Variants in CHD8 observed in about 807,000 individuals in gnomAD.
CHD8 encodes the protein chromodomain helicase DNA binding protein 8, also known as ATP-dependent chromatin remodeler CHD8.
Under a neutral mutation model 279.2 loss-of-function variants are expected in CHD8, and 31 were observed. The ratio of observed to expected loss-of-function variants is 0.11; its 90% confidence interval spans 0.08 to 0.15. CHD8 has a LOEUF of 0.15. CHD8 is among the 10% of genes least tolerant of loss of function. The probability of loss-of-function intolerance (pLI) is 1.00; values close to 1 mark genes in which losing one functional copy is unlikely to be tolerated. For synonymous variants in CHD8, 1,081 were observed against 1,139.6 expected (o/e 0.95, Z 1.04); for missense variants, 2,146 against 3,230.5 (o/e 0.66, Z 8.14).
intron 9 of CHD8, 101 bp downstream of exon 9, chr14:21,414,200 G>T: frequency 1.4e-6 from 1 of 695,530 alleles, no homozygotes. Context: ...CCCATATATA[G>T]AAACCAATTA....
rs530306279 is a variant in CHD8 at position 21,405,983 on chromosome 14, G to A, written c.2908-119C>T. The A allele has an allele frequency of 1.1e-4, 82 of 735,614 alleles. No homozygotes were observed. The South Asian group carries it at 1.5e-3, about 13-fold the overall frequency. The allele number at this position is 735,614 out of a possible 1,614,324, so 45.6% of individuals were successfully genotyped here. The stretch of plus-strand genomic sequence containing the variant: ...TTAATTTCTTTATCTATAAAATGAT[G>A]AGAATGGACCAGTGATCTGGTCCAT... On this transcript the variant is annotated intron_variant, in intron 14 of 37. Transcript: ENST00000646647. This position sits in a 1 kb window ranked among gnomAD's most constrained non-coding sequence, Gnocchi z 4.2.
chr14:21,455,247 T>G (rs1457489527), intron 1 of CHD8: 2 of 152,212 alleles, frequency 1.3e-5, no homozygotes, highest in African/African-American at 2.4e-5. Flanking sequence ...GTGAAGACCC[T>G]AACCGCTTCA....
intron 1 of CHD8, among the ~76,000 whole-genome samples, chr14:21,444,647 T>C (rs1468265971): frequency 6.6e-6 from 1 of 152,160 alleles, no homozygotes; most frequent in African/African-American, 2.4e-5. Context: ...TTTTTTCCCA[T>C]GGCTTACAGG....
In CHD8 at chr14:21,430,957, A is replaced by C. The variant is rs1362977828; in HGVS notation, c.687T>G (p.Pro229=). Residue 229 remains proline, a synonymous_variant, in exon 2 of 38, where the codon CCT becomes CCG. Coordinates refer to ENST00000646647, the MANE Select transcript of CHD8 (RefSeq NM_001170629.2). ...TGCGCTGAACAGCAGCCTGGTTCCC[A>C]GGGACCTTGGCGGCCAACACTGTAT... ...SGNTVLAAKV[P]GNQAAVQRIV... 3.8e-6 allele frequency: 6 copies of C among 1,599,464 alleles called. No homozygotes were observed. In the Admixed American group the frequency reaches 1.0e-4, roughly 27 times the overall value.
chr14:21,409,442 C>T (rs1888386693), intron 11 of CHD8, among the ~76,000 whole-genome samples: 1 of 151,992 alleles, frequency 6.6e-6, no homozygotes, highest in African/African-American at 2.4e-5. Context: ...TACTGAGAAC[C>T]AAATTTAAAT....
In CHD8 at chr14:21,400,145, G is replaced by T; in HGVS notation, c.4727+6C>A. 1 of 1,613,692 alleles carries T rather than the reference G, an allele frequency of 6.2e-7. No individual in the cohort carries two copies. The highest frequency in any genetic ancestry group is 8.5e-7 in the Non-Finnish European group (1 of 1,179,716). On this transcript the variant is annotated splice_donor_region_variant and intron_variant, in intron 24 of 37. Transcript: ENST00000646647. This position sits in a 1 kb window ranked among gnomAD's most constrained non-coding sequence, Gnocchi z 4.2. ...GGTGGAAAATGTCTGCTAATTCTAT[G>T]CTTACTTGTTACACTGATGTTTCAA...
chr14:21,439,166 A>G (rs1356024711), intron 1 of CHD8, among the ~76,000 whole-genome samples: 2 of 152,174 alleles, frequency 1.3e-5, no homozygotes, highest in Non-Finnish European at 2.9e-5. Context: ...CCTGACCATT[A>G]GTTTCCTCTG....
intron 1 of CHD8, among the ~76,000 whole-genome samples, chr14:21,448,499 C>T (rs1432624622): frequency 6.6e-6 from 1 of 152,178 alleles, no homozygotes; most frequent in Non-Finnish European, 1.5e-5. Flanking sequence ...TAACAGGCTA[C>T]TGAATACCTA....
chr14:21,437,909 TC>T (rs1405071931), intron 1 of CHD8, among the ~76,000 whole-genome samples: 8 of 152,030 alleles, frequency 5.3e-5, no homozygotes, highest in Admixed American at 5.2e-4. Context: ...CCCTCTAAAC[TC>T]GGTTTCCTGT....
intron 28 of CHD8, 113 bp downstream of exon 28, chr14:21,395,704 T>A: frequency 1.4e-6 from 1 of 730,148 alleles, no homozygotes; most frequent in Non-Finnish European, 2.4e-6. Context: ...GTATAATTCA[T>A]TTTCCATTTT....
Position 21,395,112 on chromosome 14 carries a change from C to A in CHD8, c.5190G>T (p.Val1730=), listed in dbSNP as rs768006197. The change falls in exon 30 of 38, where the codon GTG becomes GTT. Residue 1730 remains valine (V), a synonymous_variant. Coordinates refer to ENST00000646647, the MANE Select transcript of CHD8 (RefSeq NM_001170629.2). ...ISVIDGDEAQ[V]TQQPGHLFWP... is the part of the protein sequence containing the mutation. ...AGAATAAATGGCCTGGCTGTTGGGT[C>A]ACCTGGGCTGTGGAAAACAAAGTAG... 2.5e-6 allele frequency: 4 copies of A among 1,613,468 alleles called. No individual in the cohort carries two copies. In the Admixed American group the frequency reaches 5.0e-5, roughly 20 times the overall value.
At position 21,400,837 on chromosome 14, in the gene CHD8, C is replaced by A; in HGVS notation, c.4370+38G>T. On this transcript the variant is annotated intron_variant, in intron 22 of 37. Transcript: ENST00000646647. This position sits in a 1 kb window ranked among gnomAD's most constrained non-coding sequence, Gnocchi z 4.2. Reference sequence around the variant, plus strand: ...AAGAGTATCTATCAGGATGGAGATGCACTATGCACTACCTCTAATGGTAAG... The same window carrying A: ...AAGAGTATCTATCAGGATGGAGATGAACTATGCACTACCTCTAATGGTAAG... The A allele has an allele frequency of 6.5e-7, 1 of 1,537,834 alleles. No individual in the cohort carries two copies.
chr14:21,409,826 T>C, intron 11 of CHD8, 25 bp downstream of exon 11: 1 of 1,604,252 alleles, frequency 6.2e-7, no homozygotes. Context: ...TGTAGGCCTT[T>C]ATACTTTAAT....
intron 5 of CHD8, among the ~76,000 whole-genome samples, chr14:21,422,798 G>A (rs957444537): frequency 4.0e-5 from 6 of 151,836 alleles, no homozygotes; most frequent in South Asian, 2.1e-4. Context: ...GCATGGTGGC[G>A]CACACCTATA....
At position 21,402,083 on chromosome 14, in the gene CHD8, A is replaced by G; in HGVS notation, c.3936T>C (p.Tyr1312=). 7.4e-6 allele frequency: 12 copies of G among 1,612,874 alleles called. No homozygotes were observed. The highest frequency in any genetic ancestry group is 1.0e-5 in the Non-Finnish European group (12 of 1,179,602). ...EIEDLLRKGA[Y]AAIMEEDDEG... Reference sequence around the variant, plus strand: ...CATCATCTTCCTCCATGATGGCTGCATATGCTCCTTTTCTTAAAAGATCTT... The same window carrying G: ...CATCATCTTCCTCCATGATGGCTGCGTATGCTCCTTTTCTTAAAAGATCTT... Residue 1312 remains tyrosine (Y), a synonymous_variant, in exon 20 of 38, where the codon TAT becomes TAC. Coordinates refer to ENST00000646647, the MANE Select transcript of CHD8 (RefSeq NM_001170629.2). The surrounding 1 kb of genome is among the most constrained non-coding windows in gnomAD (Gnocchi z 4.5).
rs140455625 is a variant in CHD8, at chr14:21,405,153, C to T, written c.3307+56G>A. On this transcript the variant is annotated intron_variant, in intron 16 of 37. Transcript: ENST00000646647. The surrounding 1 kb of genome is among the most constrained non-coding windows in gnomAD (Gnocchi z 4.2). ...TCCATTGTCCCCAAGGAGAATCATCCGGAAAGTAAACACAGGTACTACAGA... is the reference window on the plus strand; with the variant it reads ...TCCATTGTCCCCAAGGAGAATCATCTGGAAAGTAAACACAGGTACTACAGA... The T allele has an allele frequency of 1.5e-5, 23 of 1,569,306 alleles. No individual in the cohort carries two copies. Among genetic ancestry groups the T allele is most frequent in the Middle Eastern group, 1.7e-4 (1 of 5,734 alleles).
Position 21,418,586 on chromosome 14 carries a change from T to C in CHD8, c.1717-2679A>G, listed in dbSNP as rs182656618. On this transcript the variant is annotated intron_variant, in intron 5 of 37. Coordinates refer to ENST00000646647, the MANE Select transcript of CHD8 (RefSeq NM_001170629.2). ...ATCCCAGCACTTTGGGAGGCCAAGG[T>C]GGGCATATCATGAGGTCAGGAGATC... Among the ~76,000 whole-genome samples, 339 of 151,802 alleles carry C rather than the reference T, an allele frequency of 2.2e-3. 1 individual carries two copies. The highest frequency in any genetic ancestry group is 0.014 in the Middle Eastern group (4 of 292).
At position 21,385,976 on chromosome 14, in the gene CHD8, AC is replaced by A; in HGVS notation, c.7382del (p.Gly2461ValfsTer16). 6.4e-7 allele frequency: 1 copy of A among 1,573,958 alleles called. No individual in the cohort carries two copies. The highest frequency in any genetic ancestry group is 8.6e-7 in the Non-Finnish European group (1 of 1,158,794). ...AAGATGCAGAAGTGGCACTGCTGTG[AC>A]CCAAAGATGACACAGACTGTAGGCC... ...SSGLQSVSSL[G>X]HSSATSASLP... On this transcript the variant is annotated frameshift_variant, in exon 38 of 38. Transcript: ENST00000646647. LOFTEE classifies it high-confidence loss of function.
chr14:21,428,469 T>C (rs1388712851), intron 3 of CHD8, among the ~76,000 whole-genome samples: 1 of 152,224 alleles, frequency 6.6e-6, no homozygotes, highest in Non-Finnish European at 1.5e-5. Context: ...AAATAAACTT[T>C]AGTATCTTTT....
Sources: gnomAD v4.1 joint callset for allele counts (sites outside exome capture counted in the v4.1 genomes callset) on GRCh38, gnomAD v4.1.1 for gene constraint, Gnocchi (gnomAD v3.1) non-coding constraint, MANE v1.5 for transcripts, NCBI Gene and HGNC (gene_info 2026-07-23, HGNC 2026-07-21) for gene names.